The following DLEU7 variants were observed in gnomAD, a reference collection of about 807,000 sequenced individuals.
DLEU7 encodes leukemia-associated protein 7.
A neutral mutation model predicts 16.0 loss-of-function variants in DLEU7; 17 were observed. The observed-to-expected ratio is 1.06, with a 90% CI of 0.73 to 1.59. DLEU7 has a LOEUF of 1.59. Ranked by LOEUF, DLEU7 falls within the 40% of genes most tolerant of loss-of-function variation. The pLI is 0.00. For synonymous variants in DLEU7, 113 were observed against 139.8 expected (o/e 0.81, Z 1.35); for missense variants, 308 against 314.9 (o/e 0.98, Z 0.17).
chr13:50,727,031 G>C (rs927921480), intron 1 of DLEU7, among the ~76,000 whole-genome samples: 26 of 152,182 alleles, frequency 1.7e-4, no homozygotes, highest in African/African-American at 6.3e-4. Context: ...ATCTGCTAGA[G>C]GTGCCCAGCA....
downstream of DLEU7, chr13:50,711,512 T>C (rs1873283326): frequency 6.6e-6 from 1 of 152,230 alleles, no homozygotes; most frequent in Admixed American, 6.5e-5. Flanking sequence ...AAAATGCTTA[T>C]TTTAGCCATG....
chr13:50,751,890 G>A lies in DLEU7; in HGVS notation c.460-38650C>T, dbSNP rs573890340. On this transcript the variant is annotated intron_variant, in intron 1 of 1. Coordinates refer to the DLEU7 transcript ENST00000400393. The stretch of plus-strand genomic sequence containing the variant: ...TATCTTTTCAAAGAACCAGCTTTTT[G>A]TTTCATTTATCTTTTGTATTTTTTT... 4.1e-5 allele frequency among the ~76,000 whole-genome samples: 6 copies of A among 145,154 alleles called. No homozygotes were observed. In the South Asian group the frequency reaches 1.1e-3, roughly 26 times the overall value.
At chr13:50,750,554 A>C (rs1034856855) in intron 1 of DLEU7, among the ~76,000 whole-genome samples, 2 of 152,142 alleles carry the variant, frequency 1.3e-5, no homozygotes, top group African/African-American at 4.8e-5. Flanking sequence ...ATATTGATTC[A>C]ACCCATTCAT....
intron 1 of DLEU7, among the ~76,000 whole-genome samples, chr13:50,770,413 A>G (rs1236775675): frequency 6.6e-6 from 1 of 152,164 alleles, no homozygotes; most frequent in East Asian, 1.9e-4. Flanking sequence ...TGGGTTTTTC[A>G]TAAATAGCTC....
At chr13:50,758,842 C>T (rs1874839774) in intron 1 of DLEU7, among the ~76,000 whole-genome samples, 1 of 152,192 alleles carries the variant, frequency 6.6e-6, no homozygotes, top group African/African-American at 2.4e-5. Context: ...TCAGGAGTGG[C>T]ACTCCTTTAC....
At chr13:50,823,816 A>C (rs1330003457) in intron 1 of DLEU7, among the ~76,000 whole-genome samples, 2 of 152,220 alleles carry the variant, frequency 1.3e-5, no homozygotes, top group East Asian at 3.9e-4. Context: ...AGGATCTGCT[A>C]TCCTCTTTAA....
At chr13:50,745,743 G>C (rs564091315) in intron 1 of DLEU7, among the ~76,000 whole-genome samples, 11 of 151,898 alleles carry the variant, frequency 7.2e-5, no homozygotes. Flanking sequence ...CTCTTTTTTC[G>C]ATCCTCTTTG....
chr13:50,754,500 C>T (rs1204243931), intron 1 of DLEU7, among the ~76,000 whole-genome samples: 1 of 152,156 alleles, frequency 6.6e-6, no homozygotes, highest in Non-Finnish European at 1.5e-5. Flanking sequence ...ATCTCTGCTC[C>T]CTTTTGGTGT....
At chr13:50,830,702 T>A (rs1256556885) in intron 1 of DLEU7, among the ~76,000 whole-genome samples, 1 of 152,188 alleles carries the variant, frequency 6.6e-6, no homozygotes, top group Non-Finnish European at 1.5e-5. Context: ...GGCTTATTAA[T>A]TTTTAGCACA....
chr13:50,783,629 A>G (rs1173720864), intron 1 of DLEU7, among the ~76,000 whole-genome samples: 2 of 152,192 alleles, frequency 1.3e-5, no homozygotes, highest in African/African-American at 2.4e-5. Context: ...TGAGCAAAAG[A>G]AAGTACAGGC....
chr13:50,758,841 G>A (rs773777595), intron 1 of DLEU7, among the ~76,000 whole-genome samples: 2 of 152,190 alleles, frequency 1.3e-5, no homozygotes, highest in Non-Finnish European at 2.9e-5. Flanking sequence ...CTCAGGAGTG[G>A]CACTCCTTTA....
At chr13:50,834,787 C>A (rs1877397096) in intron 1 of DLEU7, among the ~76,000 whole-genome samples, 2 of 152,110 alleles carry the variant, frequency 1.3e-5, no homozygotes, top group African/African-American at 2.4e-5. Context: ...GACTTGGAAC[C>A]AACCCAAATG....
At chr13:50,835,847 C>G (rs139755956) in intron 1 of DLEU7, among the ~76,000 whole-genome samples, 135 of 152,340 alleles carry the variant, frequency 8.9e-4, no homozygotes, top group African/African-American at 2.8e-3. Flanking sequence ...ACAAGTTAAG[C>G]CTGTTTTTAA....
chr13:50,843,473 C>A lies in DLEU7; in HGVS notation c.174G>T (p.Arg58=). ...CCTCGCGCCCGGGCCCCGGCCGGGC[C>A]CGCGGCGGGCCTGAGCGACGGGCTG... ...TAPARRSGPP[R]ARPGPGREER... Residue 58 remains arginine (R), a synonymous_variant, in exon 1 of 2, where the codon CGG becomes CGT. Transcript: ENST00000504404. The surrounding 1 kb of genome is among the most constrained non-coding windows in gnomAD (Gnocchi z 5.7). 1 of 1,331,464 alleles carries A rather than the reference C, an allele frequency of 7.5e-7. No individual in the cohort carries two copies. Among genetic ancestry groups the A allele is most frequent in the Non-Finnish European group, 9.5e-7 (1 of 1,048,830 alleles). The allele number at this position is 1,331,464 out of a possible 1,614,324, so 82.5% of individuals were successfully genotyped here.
chr13:50,724,331 C>CT, intron 1 of DLEU7, among the ~76,000 whole-genome samples: 1 of 152,168 alleles, frequency 6.6e-6, no homozygotes, highest in South Asian at 2.1e-4. Flanking sequence ...TATAAAATTA[C>CT]TTTTTTCTTT....
chr13:50,745,995 A>C (rs1429098549), intron 1 of DLEU7, among the ~76,000 whole-genome samples: 4 of 152,160 alleles, frequency 2.6e-5, no homozygotes, highest in Non-Finnish European at 5.9e-5. Flanking sequence ...ATATTTAGGG[A>C]ACCGTAATGC....
At chr13:50,797,565 G>A (rs1319109475) in intron 1 of DLEU7, among the ~76,000 whole-genome samples, 1 of 152,142 alleles carries the variant, frequency 6.6e-6, no homozygotes, top group African/African-American at 2.4e-5. Flanking sequence ...TCATTGTAAT[G>A]TTTGAAAGCA....
At position 50,791,897 on chromosome 13, in the gene DLEU7, G is replaced by A. The variant is rs965541387; in HGVS notation, c.459+51291C>T. The stretch of plus-strand genomic sequence containing the variant: ...TCACCTTTTCCTATGACAGTGATAC[G>A]GTAACAGCATTTTTTTACACAAAGA... On this transcript the variant is annotated intron_variant, in intron 1 of 1. Coordinates refer to the DLEU7 transcript ENST00000400393. Among the ~76,000 whole-genome samples, 9 of 152,066 alleles carry A rather than the reference G, an allele frequency of 5.9e-5. No individual in the cohort carries two copies. The South Asian group carries it at 1.2e-3, about 21-fold the overall frequency.
At chr13:50,843,720 G>T, upstream of DLEU7, 2 of 1,464,824 alleles carry the variant, frequency 1.4e-6, no homozygotes, top group African/African-American at 1.5e-5. This position sits in a 1 kb window ranked among gnomAD's most constrained non-coding sequence, Gnocchi z 5.7. Flanking sequence ...CGTTGGGGTC[G>T]CCAAGGTCAC....
Sources: allele counts gnomAD v4.1 joint callset (sites outside exome capture counted in the v4.1 genomes callset), GRCh38; gene constraint gnomAD v4.1.1; non-coding constraint Gnocchi (gnomAD v3.1); transcripts MANE v1.5; gene names NCBI Gene and HGNC (gene_info 2026-07-23, HGNC 2026-07-21).